CNTN3: variants seen among roughly 807,000 people sequenced by gnomAD.
The protein encoded by CNTN3 is contactin-3.
Under a neutral mutation model 119.1 loss-of-function variants are expected in CNTN3, and 60 were observed. The ratio of observed to expected loss-of-function variants is 0.50; its 90% confidence interval spans 0.41 to 0.62. The LOEUF is 0.62. Among genes scored for constraint, CNTN3 ranks in the 20% least tolerant of loss-of-function variants. CNTN3 has a pLI of 0.00. For synonymous variants in CNTN3, 450 were observed against 438.7 expected, an observed-to-expected ratio of 1.03 and a Z score of -0.32; for missense variants, 1,101 against 1,242.4, an observed-to-expected ratio of 0.89 and a Z score of 1.71.
At chr3:74,275,998 TATATC>T (rs1268830158) in intron 20 of CNTN3, among the ~76,000 whole-genome samples, 1 of 152,114 alleles carries the variant, frequency 6.6e-6, no homozygotes, top group Non-Finnish European at 1.5e-5. Flanking sequence ...TAGCTACTCT[TATATC>T]AAACAAAACA....
At chr3:74,575,682 T>C (rs894080202) in intron 1 of CNTN3, among the ~76,000 whole-genome samples, 2 of 150,064 alleles carry the variant, frequency 1.3e-5, no homozygotes, top group Non-Finnish European at 1.5e-5. Context: ...AGTCCTTTGA[T>C]TTAGGGGGAG....
chr3:74,480,756 T>C (rs937054084), intron 4 of CNTN3, among the ~76,000 whole-genome samples: 21 of 151,892 alleles, frequency 1.4e-4, no homozygotes, highest in African/African-American at 5.1e-4. Context: ...TCAGCAAAAA[T>C]ATTCAGCAAA....
chr3:74,403,357 A>G (rs1182752983), intron 5 of CNTN3, among the ~76,000 whole-genome samples: 1 of 152,128 alleles, frequency 6.6e-6, no homozygotes, highest in Non-Finnish European at 1.5e-5. Flanking sequence ...GGTGCTTCAC[A>G]CTCATTTTCT....
intron 5 of CNTN3, among the ~76,000 whole-genome samples, chr3:74,418,291 G>C (rs1265818098): frequency 6.7e-6 from 1 of 148,690 alleles, no homozygotes; most frequent in Non-Finnish European, 1.5e-5. Context: ...GCTTCCCAAA[G>C]TGCTGGGATT....
intron 4 of CNTN3, among the ~76,000 whole-genome samples, chr3:74,457,942 G>A (rs1220718608): frequency 7.9e-5 from 12 of 151,962 alleles, no homozygotes; most frequent in Non-Finnish European, 1.8e-4. Flanking sequence ...GGCATCTTCT[G>A]TAGTCTCTGA....
chr3:74,570,226 G>A (rs1340782419), intron 1 of CNTN3, among the ~76,000 whole-genome samples: 1 of 151,996 alleles, frequency 6.6e-6, no homozygotes, highest in Non-Finnish European at 1.5e-5. Context: ...AGGGGGAGGA[G>A]GGGAATCCTG....
intron 13 of CNTN3, among the ~76,000 whole-genome samples, chr3:74,310,971 C>A (rs550297085): frequency 9.2e-5 from 14 of 152,308 alleles, no homozygotes; most frequent in African/African-American, 3.4e-4. Flanking sequence ...CTTACAAGAT[C>A]TGAGGGAGAG....
chr3:74,531,604 A>G (rs1703693930), intron 1 of CNTN3, among the ~76,000 whole-genome samples: 1 of 152,000 alleles, frequency 6.6e-6, no homozygotes, highest in African/African-American at 2.4e-5. Context: ...ACTCGGGGAA[A>G]GCCCACAAAG....
chr3:74,334,620 A>G (rs1703343788), intron 13 of CNTN3, 115 bp downstream of exon 13: 3 of 948,558 alleles, frequency 3.2e-6, no homozygotes, highest in African/African-American at 1.7e-5. Flanking sequence ...CTCAACCAAA[A>G]CCACTTATTT....
chr3:74,362,175 G>A, intron 10 of CNTN3, 135 bp from the exon 11 acceptor site: 1 of 830,682 alleles, frequency 1.2e-6, no homozygotes, highest in Non-Finnish European at 1.9e-6. Flanking sequence ...TTGGCTTATT[G>A]TGTGCCACAC....
chr3:74,285,246 C>T (rs1702087215), intron 20 of CNTN3, 59 bp downstream of exon 20: 1 of 1,487,242 alleles, frequency 6.7e-7, no homozygotes, highest in Non-Finnish European at 9.1e-7. Context: ...ATAGAGAAGG[C>T]TATCCTTTTT....
At chr3:74,585,606 G>A (rs1476064012) in intron 1 of CNTN3, among the ~76,000 whole-genome samples, 1 of 151,916 alleles carries the variant, frequency 6.6e-6, no homozygotes, top group African/African-American at 2.4e-5. Context: ...ATCTTTTGTA[G>A]GACCAAATAC....
At chr3:74,543,787 T>G (rs1280524060) in intron 1 of CNTN3, among the ~76,000 whole-genome samples, 1 of 152,054 alleles carries the variant, frequency 6.6e-6, no homozygotes, top group African/African-American at 2.4e-5. Context: ...CATTTTCCCA[T>G]TCTCAGAAAA....
chr3:74,299,800 C>T (rs1702416420), intron 17 of CNTN3, 68 bp downstream of exon 17: 7 of 1,326,490 alleles, frequency 5.3e-6, no homozygotes, highest in Admixed American at 3.7e-5. Context: ...GGCACCACCA[C>T]CTGGGAAGCC....
intron 4 of CNTN3, among the ~76,000 whole-genome samples, chr3:74,470,751 C>A (rs1324227428): frequency 1.3e-5 from 2 of 152,188 alleles, no homozygotes; most frequent in Non-Finnish European, 2.9e-5. Flanking sequence ...CCAGTCTCAA[C>A]TCCTCCTCCC....
At chr3:74,524,965 G>A (rs1703594950) in intron 1 of CNTN3, among the ~76,000 whole-genome samples, 1 of 151,846 alleles carries the variant, frequency 6.6e-6, no homozygotes, top group Non-Finnish European at 1.5e-5. Flanking sequence ...AGCGTGGTAT[G>A]AAATGAGACT....
intron 4 of CNTN3, among the ~76,000 whole-genome samples, chr3:74,460,443 G>A (rs4676970): frequency 0.51 from 77,521 of 151,474 alleles, 20,171 homozygotes; most frequent in Non-Finnish European, 0.55. Flanking sequence ...ATTATATTTA[G>A]GTCTTCTTTG....
chr3:74,344,214 A>C (rs1010292134), intron 11 of CNTN3, among the ~76,000 whole-genome samples: 4 of 152,110 alleles, frequency 2.6e-5, no homozygotes, highest in African/African-American at 9.7e-5. Flanking sequence ...GTTCAGAAAT[A>C]ATCTTCTATG....
Position 74,581,218 on chromosome 3 carries a change from T to TA in CNTN3, c.-81+33172dup, listed in dbSNP as rs754321764. On this transcript the variant is annotated intron_variant, in intron 1 of 22. Transcript: ENST00000263665. ...GTCACACATAATGGGACTGTGTATTTAAAAAAAACATAAAATCTATAAAAG... is the reference window on the plus strand; with the variant it reads ...GTCACACATAATGGGACTGTGTATTTAAAAAAAAACATAAAATCTATAAAAG... Among the ~76,000 whole-genome samples the TA allele has an allele frequency of 9.2e-5, 14 of 151,958 alleles. No homozygotes were observed. In the South Asian group the frequency reaches 1.2e-3, roughly 14 times the overall value.
Sources: allele counts gnomAD v4.1 joint callset (sites outside exome capture counted in the v4.1 genomes callset), GRCh38; gene constraint gnomAD v4.1.1; transcripts MANE v1.5; gene names NCBI Gene and HGNC (gene_info 2026-07-23, HGNC 2026-07-21).